TBC1D14: variants seen among roughly 807,000 people sequenced by gnomAD.
TBC1D14 encodes the protein TBC1 domain family, member 14.
A neutral mutation model predicts 79.0 loss-of-function variants in TBC1D14; 26 were observed. The observed-to-expected ratio is 0.33, with a 90% confidence interval of 0.24 to 0.46. The LOEUF is 0.46. Ranked by LOEUF, TBC1D14 falls within the 20% of genes least tolerant of loss-of-function variation. The pLI is 1.00. For missense variants in TBC1D14, 769 were observed against 887.6 expected, an observed-to-expected ratio of 0.87 and a Z score of 1.70; for synonymous variants, 394 against 349.9, an observed-to-expected ratio of 1.13 and a Z score of -1.40.
intron 1 of TBC1D14, among the ~76,000 whole-genome samples, chr4:6,915,694 C>T (rs1315883210): frequency 2.0e-5 from 3 of 152,074 alleles, no homozygotes; most frequent in African/African-American, 4.8e-5. Context: ...TGCCATCCTG[C>T]GGTGCTGCTG....
At chr4:6,960,081 CT>C (rs10623660) in intron 2 of TBC1D14, among the ~76,000 whole-genome samples, 20,322 of 131,100 alleles carry the variant, frequency 0.16, 1,789 homozygotes, top group African/African-American at 0.29. Flanking sequence ...CCCTGTGCCC[CT>C]TTTTTTTTTT....
intron 12 of TBC1D14, among the ~76,000 whole-genome samples, chr4:7,018,690 G>A (rs922757442): frequency 1.3e-5 from 2 of 152,214 alleles, no homozygotes; most frequent in East Asian, 1.9e-4. Context: ...CTTCCTGGCC[G>A]TTCTTTAATT....
chr4:6,920,287 C>G (rs1031823068), intron 1 of TBC1D14, among the ~76,000 whole-genome samples: 2 of 148,614 alleles, frequency 1.3e-5, no homozygotes, highest in Non-Finnish European at 3.0e-5. Flanking sequence ...CTTTGTTTTT[C>G]TGGAGACAGG....
intron 10 of TBC1D14, 140 bp from the exon 11 acceptor site, chr4:7,010,513 C>T (rs1352137743): frequency 8.0e-6 from 8 of 1,003,424 alleles, no homozygotes; most frequent in Middle Eastern, 3.1e-4. Flanking sequence ...GGCAGTTCAG[C>T]GTTGGGTGGC....
intron 2 of TBC1D14, among the ~76,000 whole-genome samples, chr4:6,925,215 C>T (rs1296852681): frequency 6.6e-6 from 1 of 152,082 alleles, no homozygotes; most frequent in African/African-American, 2.4e-5. Context: ...TGCGGTGAGC[C>T]GAGATCGCGC....
chr4:7,031,161 G>C lies in TBC1D14; in HGVS notation c.*769G>C, dbSNP rs1049098500. 6.6e-6 allele frequency: 1 copy of C among 152,364 alleles called. No homozygotes were observed. Among genetic ancestry groups the C allele is most frequent in the Non-Finnish European group, 1.5e-5 (1 of 68,128 alleles). The allele number at this position is 152,364 out of a possible 1,614,324, so 9.4% of individuals were successfully genotyped here. Reference sequence around the variant, plus strand: ...TGGCAATAGAGATAGGCTTAAAAGCGGAGAGAACACAGAGTGGAATCAGCC... The same window carrying C: ...TGGCAATAGAGATAGGCTTAAAAGCCGAGAGAACACAGAGTGGAATCAGCC... On this transcript the variant is annotated 3_prime_UTR_variant, in exon 14 of 14. Coordinates refer to ENST00000409757, the MANE Select transcript of TBC1D14 (RefSeq NM_020773.3).
At position 6,923,385 on chromosome 4, in the gene TBC1D14, C is replaced by T; in HGVS notation, c.-5C>T. On this transcript the variant is annotated 5_prime_UTR_variant, in exon 2 of 14. Transcript: ENST00000409757. ...GTGTTTTTTCTAGTTTCTCCTTGGA[C>T]CAAGATGACTGATGGAAAACTCTCC... 6.3e-7 allele frequency: 1 copy of T among 1,587,008 alleles called. No individual in the cohort carries two copies. The highest frequency in any genetic ancestry group is 8.6e-7 in the Non-Finnish European group (1 of 1,165,508).
intron 6 of TBC1D14, 59 bp downstream of exon 6, chr4:6,999,261 GC>G: frequency 1.4e-6 from 2 of 1,466,410 alleles, no homozygotes; most frequent in Non-Finnish European, 1.9e-6. Flanking sequence ...GAATCTGTGG[GC>G]CACAGCTGTA....
chr4:6,978,738 TAAAA>T (rs59534721), intron 3 of TBC1D14, among the ~76,000 whole-genome samples: 14 of 108,466 alleles, frequency 1.3e-4, no homozygotes, highest in African/African-American at 3.4e-4. Flanking sequence ...AATGATCAAT[TAAAA>T]AAAAAAAAAA....
intron 3 of TBC1D14, among the ~76,000 whole-genome samples, chr4:6,973,812 A>G (rs903423634): frequency 2.0e-5 from 3 of 151,774 alleles, no homozygotes; most frequent in African/African-American, 7.3e-5. Context: ...TTTTAGTTTT[A>G]TTTATTTATT....
intron 2 of TBC1D14, among the ~76,000 whole-genome samples, chr4:6,964,754 C>T (rs1019594802): frequency 1.8e-4 from 27 of 152,058 alleles, no homozygotes; most frequent in Admixed American, 1.8e-3. Flanking sequence ...TGATTATAAC[C>T]ACAACAGAAA....
intron 2 of TBC1D14, among the ~76,000 whole-genome samples, chr4:6,962,887 C>A (rs1011948667): frequency 6.6e-6 from 1 of 152,098 alleles, no homozygotes; most frequent in African/African-American, 2.4e-5. Flanking sequence ...CCTATACTTG[C>A]CTCCCCTGCA....
intron 2 of TBC1D14, among the ~76,000 whole-genome samples, chr4:6,927,728 G>A (rs141804393): frequency 2.6e-5 from 4 of 152,298 alleles, no homozygotes; most frequent in African/African-American, 9.6e-5. Flanking sequence ...GATGCCAGCA[G>A]CACTCCCCAA....
chr4:7,015,185 G>A (rs933896638), intron 12 of TBC1D14, among the ~76,000 whole-genome samples: 1 of 152,066 alleles, frequency 6.6e-6, no homozygotes, highest in African/African-American at 2.4e-5. Context: ...GGGAGTGGGA[G>A]AAGGCTTCTG....
At chr4:6,982,039 CA>C in intron 3 of TBC1D14, among the ~76,000 whole-genome samples, 1 of 152,304 alleles carries the variant, frequency 6.6e-6, no homozygotes, top group African/African-American at 2.4e-5. Flanking sequence ...TGGTAATGCA[CA>C]ATGGTACAGC....
chr4:6,913,102 T>G (rs1488102645), intron 1 of TBC1D14, among the ~76,000 whole-genome samples: 2 of 152,188 alleles, frequency 1.3e-5, no homozygotes, highest in African/African-American at 2.4e-5. Flanking sequence ...TTCAAGCGAT[T>G]CTCCTGCCTC....
intron 12 of TBC1D14, among the ~76,000 whole-genome samples, chr4:7,024,233 C>G (rs927842076): frequency 6.6e-6 from 1 of 152,160 alleles, no homozygotes; most frequent in East Asian, 1.9e-4. Context: ...ACCTCCTGAC[C>G]GAGTCAGCCC....
At chr4:7,024,916 G>C in intron 12 of TBC1D14, 88 bp from the exon 13 acceptor site, 1 of 1,558,628 alleles carries the variant, frequency 6.4e-7, no homozygotes, top group South Asian at 1.2e-5. Context: ...CTAGGGGAGT[G>C]TTTTTCATGG....
At chr4:6,978,122 G>T (rs943093991) in intron 3 of TBC1D14, among the ~76,000 whole-genome samples, 1 of 149,358 alleles carries the variant, frequency 6.7e-6, no homozygotes, top group East Asian at 2.0e-4. Context: ...GAGGTGGGGG[G>T]GTCAGCCCCC....
Sources: gnomAD v4.1 joint callset for allele counts (sites outside exome capture counted in the v4.1 genomes callset) on GRCh38, gnomAD v4.1.1 for gene constraint, MANE v1.5 for transcripts, NCBI Gene and HGNC (gene_info 2026-07-23, HGNC 2026-07-21) for gene names.